RSPO3: variants seen among roughly 807,000 people sequenced by gnomAD.
The protein encoded by RSPO3 is R-spondin 3, also known as R-spondin-3.
Under a neutral mutation model 36.5 loss-of-function variants are expected in RSPO3, and 17 were observed. The observed-to-expected ratio is 0.47, with a 90% CI of 0.32 to 0.70. The LOEUF is 0.70. Among genes scored for constraint, RSPO3 ranks in the 30% least tolerant of loss-of-function variants. The pLI is 0.04. For synonymous variants in RSPO3, 108 were observed against 107.0 expected (o/e 1.01, Z -0.06); for missense variants, 294 against 322.5 (o/e 0.91, Z 0.68).
At chr6:127,147,462 T>G (rs1425779878) in intron 1 of RSPO3, among the ~76,000 whole-genome samples, 2 of 151,500 alleles carry the variant, frequency 1.3e-5, no homozygotes, top group East Asian at 1.9e-4. Flanking sequence ...AGGATTATGG[T>G]TTTTTTTTCT....
At chr6:127,135,539 T>C (rs567639914) in intron 1 of RSPO3, among the ~76,000 whole-genome samples, 2 of 149,514 alleles carry the variant, frequency 1.3e-5, no homozygotes, top group South Asian at 4.3e-4. Context: ...ATAAGGGAGG[T>C]AGAATCTGTA....
In RSPO3 at chr6:127,190,871, T is replaced by A. The variant is rs560087234; in HGVS notation, c.635-4952T>A. Among the ~76,000 whole-genome samples, 4 of 152,344 alleles carry A rather than the reference T, an allele frequency of 2.6e-5. No individual in the cohort carries two copies. In the South Asian group the frequency reaches 8.3e-4, roughly 32 times the overall value. The stretch of plus-strand genomic sequence containing the variant: ...AAGAAAATAGCTGCTATTCATAATT[T>A]AAGTGGTTCTCAATAAGTGAATTAC... On this transcript the variant is annotated intron_variant, in intron 4 of 4. Transcript: ENST00000356698.
rs560400929 is a variant in RSPO3, at chr6:127,192,729, G to A, written c.635-3094G>A. 5 of 970,456 alleles carry A rather than the reference G, an allele frequency of 5.2e-6. No individual in the cohort carries two copies. The South Asian group carries it at 1.9e-4, about 37-fold the overall frequency. The allele number at this position is 970,456 out of a possible 1,614,324, so 60.1% of individuals were successfully genotyped here. On this transcript the variant is annotated intron_variant, in intron 4 of 4. Coordinates refer to ENST00000356698, the MANE Select transcript of RSPO3 (RefSeq NM_032784.5). ...CAGGCAGGTACGTGCGTGTACACAT[G>A]CACACAAACATGAATATTCAGTGAA...
At chr6:127,162,857 A>G (rs552811028) in intron 4 of RSPO3, among the ~76,000 whole-genome samples, 1 of 152,288 alleles carries the variant, frequency 6.6e-6, no homozygotes, top group African/African-American at 2.4e-5. Context: ...GCTGGCAAAA[A>G]TGAAACTTCT....
chr6:127,174,288 T>C (rs779171510), intron 4 of RSPO3, among the ~76,000 whole-genome samples: 1 of 151,876 alleles, frequency 6.6e-6, no homozygotes, highest in Non-Finnish European at 1.5e-5. Flanking sequence ...CTACTAGCAG[T>C]CTATTAAGCC....
chr6:127,157,857 T>G (rs1245398597), intron 4 of RSPO3, among the ~76,000 whole-genome samples: 2 of 151,980 alleles, frequency 1.3e-5, no homozygotes, highest in East Asian at 3.9e-4. Context: ...TCCAGTTTTC[T>G]TAACTTCTCT....
chr6:127,155,106 C>T (rs953969838), intron 3 of RSPO3, 135 bp from the exon 4 acceptor site: 68 of 790,278 alleles, frequency 8.6e-5, no homozygotes, highest in Non-Finnish European at 1.4e-4. Flanking sequence ...ATATTTAAGT[C>T]ATCTTGCCCG....
At chr6:127,137,558 C>T (rs1774185061) in intron 1 of RSPO3, among the ~76,000 whole-genome samples, 1 of 152,142 alleles carries the variant, frequency 6.6e-6, no homozygotes, top group South Asian at 2.1e-4. Context: ...TGGAAGCTGA[C>T]TATATGGATC....
chr6:127,180,614 C>T (rs1339579839), intron 4 of RSPO3, among the ~76,000 whole-genome samples: 1 of 148,578 alleles, frequency 6.7e-6, no homozygotes, highest in African/African-American at 2.5e-5. Flanking sequence ...GAGAGATATG[C>T]AAGAAGTAAG....
In RSPO3 at chr6:127,195,816, A is replaced by G. The variant is rs111444332; in HGVS notation, c.635-7A>G. The stretch of plus-strand genomic sequence containing the variant: ...GTAATTTTTAAAAGAGTATCCTTTC[A>G]TTTCAGGAAAAAAAGGAAGGGAGAG... On this transcript the variant is annotated splice_polypyrimidine_tract_variant and splice_region_variant and intron_variant, in intron 4 of 4. Transcript: ENST00000356698. 7 of 1,493,834 alleles carry G rather than the reference A, an allele frequency of 4.7e-6. No individual in the cohort carries two copies. Among genetic ancestry groups the G allele is most frequent in the African/African-American group, 4.2e-5 (3 of 70,768 alleles). The allele number at this position is 1,493,834 out of a possible 1,614,324, so 92.5% of individuals were successfully genotyped here.
chr6:127,147,879 T>C (rs1292135011), intron 1 of RSPO3, among the ~76,000 whole-genome samples: 1 of 152,112 alleles, frequency 6.6e-6, no homozygotes, highest in African/African-American at 2.4e-5. Context: ...AGAGAAAATA[T>C]TGAACATAAA....
chr6:127,129,222 T>G (rs1774001528), intron 1 of RSPO3, among the ~76,000 whole-genome samples: 1 of 152,122 alleles, frequency 6.6e-6, no homozygotes, highest in African/African-American at 2.4e-5. Context: ...AGTAGGTCAT[T>G]TATTCATGAA....
intron 1 of RSPO3, among the ~76,000 whole-genome samples, chr6:127,139,347 T>C (rs973066357): frequency 6.6e-6 from 1 of 152,186 alleles, no homozygotes; most frequent in Admixed American, 6.5e-5. Context: ...TACTTTAGCA[T>C]GCTATGTAGC....
chr6:127,136,164 AC>A (rs1774153540), intron 1 of RSPO3, among the ~76,000 whole-genome samples: 2 of 152,122 alleles, frequency 1.3e-5, no homozygotes. Context: ...CCAAGGGTTG[AC>A]CTTCCAGAGA....
rs377324823 is a variant in RSPO3 at position 127,155,326 on chromosome 6, A to C, written c.522A>C (p.Thr174=). 63 of 1,613,872 alleles carry C rather than the reference A, an allele frequency of 3.9e-5. No individual in the cohort carries two copies. The highest frequency in any genetic ancestry group is 5.1e-5 in the Non-Finnish European group (60 of 1,179,920). ...KTCGFKRGTE[T]RVREIIQHPS... is the part of the protein sequence containing the mutation. ...GTGGCTTCAAAAGAGGGACTGAAACACGGGTCCGAGAAATAATACAGCATC... is the reference window on the plus strand; with the variant it reads ...GTGGCTTCAAAAGAGGGACTGAAACCCGGGTCCGAGAAATAATACAGCATC... Residue 174 remains threonine (T), a synonymous_variant, in exon 4 of 5, where the codon ACA becomes ACC. Transcript: ENST00000356698.
chr6:127,182,848 G>A (rs914361927), intron 4 of RSPO3, among the ~76,000 whole-genome samples: 1 of 152,018 alleles, frequency 6.6e-6, no homozygotes. Flanking sequence ...GATCAGGCAA[G>A]ATGGGCTAGA....
Position 127,195,948 on chromosome 6 carries a change from C to A in RSPO3, c.760C>A (p.Gln254Lys). The A allele has an allele frequency of 2.5e-6, 4 of 1,613,042 alleles. No individual in the cohort carries two copies. Among genetic ancestry groups the A allele is most frequent in the Non-Finnish European group, 3.4e-6 (4 of 1,179,312 alleles). ...IPEQRENKQQQKKRKVQDKQK... is the reference protein window; with the variant it reads ...IPEQRENKQQKKKRKVQDKQK... ...AGAGCAACGAGAAAACAAACAGCAG[C>A]AGAAGAAGCGAAAAGTCCAAGATAA... Residue 254 changes from glutamine (Q) to lysine (K), a missense_variant, in exon 5 of 5, where the codon CAG becomes AAG. By Grantham distance (53) the Gln-to-Lys change is moderately conservative. Around this residue, in one of 3 missense-constraint regions of RSPO3, gnomAD observed 190 missense variants for 185.2 expected, o/e 1.03. Coordinates refer to ENST00000356698, the MANE Select transcript of RSPO3 (RefSeq NM_032784.5).
At chr6:127,190,548 A>C (rs1036907936) in intron 4 of RSPO3, among the ~76,000 whole-genome samples, 11 of 152,192 alleles carry the variant, frequency 7.2e-5, no homozygotes, top group Non-Finnish European at 1.3e-4. Context: ...TCACACTGTG[A>C]GTGCTTTATA....
At position 127,119,065 on chromosome 6, in the gene RSPO3, A is replaced by G; in HGVS notation, c.-128A>G. On this transcript the variant is annotated 5_prime_UTR_variant, in exon 1 of 5. The change abolishes the stop of an existing upstream ORF in the 5' untranslated region. Coordinates refer to ENST00000356698, the MANE Select transcript of RSPO3 (RefSeq NM_032784.5). ...CATCACAGCACGCCTATCGGATGTGAGAGGAGAAGTCCCGCTGCTCGGGCA... is the reference window on the plus strand; with the variant it reads ...CATCACAGCACGCCTATCGGATGTGGGAGGAGAAGTCCCGCTGCTCGGGCA... 1 of 652,720 alleles carries G rather than the reference A, an allele frequency of 1.5e-6. No individual in the cohort carries two copies. The allele number at this position is 652,720 out of a possible 1,614,324, so 40.4% of individuals were successfully genotyped here.
Sources: gnomAD v4.1 joint callset for allele counts (sites outside exome capture counted in the v4.1 genomes callset) on GRCh38, gnomAD v4.1.1 for gene constraint, gnomAD v4.1.1 regional missense constraint, MANE v1.5 for transcripts, NCBI Gene and HGNC (gene_info 2026-07-23, HGNC 2026-07-21) for gene names.